PGRMC2: variants seen among roughly 807,000 people sequenced by gnomAD.
The protein encoded by PGRMC2 is progesterone receptor membrane component 2, also known as membrane-associated progesterone receptor component 2.
Under a neutral mutation model 19.3 loss-of-function variants are expected in PGRMC2, and 9 were observed. That is an observed-to-expected ratio of 0.47 (90% CI 0.28 to 0.81). The LOEUF is 0.81. Among genes scored for constraint, PGRMC2 ranks in the 40% least tolerant of loss-of-function variants. The probability of loss-of-function intolerance (pLI) is 0.11; values close to 1 mark genes in which losing one functional copy is unlikely to be tolerated. For missense variants in PGRMC2, 289 were observed against 297.3 expected (o/e 0.97, Z 0.21); for synonymous variants, 157 against 124.6 (o/e 1.26, Z -1.73).
chr4:128,271,809 G>A (rs1326489659), intron 2 of PGRMC2, among the ~76,000 whole-genome samples: 2 of 152,166 alleles, frequency 1.3e-5, no homozygotes, highest in African/African-American at 4.8e-5. Context: ...CATCACACAA[G>A]TGGTAAAAAC....
intron 1 of PGRMC2, among the ~76,000 whole-genome samples, chr4:128,279,130 C>G (rs966900962): frequency 1.3e-5 from 2 of 152,036 alleles, no homozygotes; most frequent in Admixed American, 6.6e-5. Context: ...ATCGCTTGAA[C>G]CCAGCAGGCA....
At chr4:128,272,040 T>A (rs530295322) in intron 2 of PGRMC2, among the ~76,000 whole-genome samples, 26 of 152,370 alleles carry the variant, frequency 1.7e-4, no homozygotes, top group South Asian at 6.2e-4. Flanking sequence ...GTCATTTTTT[T>A]AAATATTGAT....
Position 128,287,554 on chromosome 4 carries a change from A to AACCCCCCCCCCCCCC in PGRMC2, c.236_237insGGGGGGGGGGGGGGT (p.Gly79_Leu80insGlyGlyGlyGlyVal). The AACCCCCCCCCCCCCC allele has an allele frequency of 2.2e-6, 2 of 924,836 alleles. No homozygotes were observed. Among genetic ancestry groups the AACCCCCCCCCCCCCC allele is most frequent in the Non-Finnish European group, 3.0e-6 (2 of 672,994 alleles). The allele number at this position is 924,836 out of a possible 1,614,324, so 57.3% of individuals were successfully genotyped here. On this transcript the variant is annotated inframe_insertion, in exon 1 of 3. Transcript: ENST00000296425. ...CGCCCGCCCCGGCCCCGGCCCCCAG[A>AACCCCCCCCCCCCCC]CCCCGCCGCCCCCAGCGCACCCACA...
At chr4:128,279,402 C>T (rs373943194) in intron 1 of PGRMC2, among the ~76,000 whole-genome samples, 7 of 152,266 alleles carry the variant, frequency 4.6e-5, no homozygotes, top group African/African-American at 1.4e-4. Context: ...CTTAATACCA[C>T]GTTTTTGGCA....
intron 1 of PGRMC2, 175 bp from the exon 2 acceptor site, chr4:128,272,692 G>T (rs1760752139): frequency 2.5e-6 from 1 of 394,098 alleles, no homozygotes; most frequent in African/African-American, 2.2e-5. Context: ...AATAAGAAAA[G>T]AAATTTGTTG....
chr4:128,276,196 A>G (rs1760809294), intron 1 of PGRMC2, among the ~76,000 whole-genome samples: 1 of 152,252 alleles, frequency 6.6e-6, no homozygotes, highest in South Asian at 2.1e-4. Flanking sequence ...ATCCCCTTAC[A>G]TAAAAAACCT....
chr4:128,276,183 G>A (rs1185135885), intron 1 of PGRMC2, among the ~76,000 whole-genome samples: 2 of 152,138 alleles, frequency 1.3e-5, no homozygotes, highest in African/African-American at 2.4e-5. Flanking sequence ...TTCCCATTCC[G>A]TTATCCCCTT....
chr4:128,287,383 G>A lies in PGRMC2; in HGVS notation c.408C>T (p.Phe136=), dbSNP rs758044406. The change falls in exon 1 of 3, where the codon TTC becomes TTT. Residue 136 remains phenylalanine, a synonymous_variant. Transcript: ENST00000296425. ...KVFDVTKGSK[F]YGPAGPYGIF... ...CTTCCAACTCCTCACCCGGGCCGTA[G>A]AACTTGCTGCCTTTGGTCACGTCGA... is the stretch of plus-strand genomic sequence containing the variant. The A allele has an allele frequency of 3.1e-6, 5 of 1,601,240 alleles. No homozygotes were observed. The highest frequency in any genetic ancestry group is 2.3e-5 in the East Asian group (1 of 44,378).
chr4:128,275,099 C>A (rs1760788078), intron 1 of PGRMC2, among the ~76,000 whole-genome samples: 1 of 152,096 alleles, frequency 6.6e-6, no homozygotes, highest in Non-Finnish European at 1.5e-5. Context: ...TTACTACTTA[C>A]AAAATTTCAA....
At chr4:128,278,993 G>A (rs146994450) in intron 1 of PGRMC2, among the ~76,000 whole-genome samples, 1,637 of 152,288 alleles carry the variant, frequency 0.011, 8 homozygotes, top group Non-Finnish European at 0.015. Context: ...CGGATTGCCC[G>A]AGGTCAGGAG....
rs1224209994 is a variant in PGRMC2, at chr4:128,269,564, T to C, written c.*1752A>G. On this transcript the variant is annotated 3_prime_UTR_variant, in exon 3 of 3. Coordinates refer to ENST00000296425, the MANE Select transcript of PGRMC2 (RefSeq NM_006320.6). ...CAAAACACTCCAAGACTGAATAGAA[T>C]GTAGTATTTTACATACTTTAGCTTA... is the stretch of plus-strand genomic sequence containing the variant. 1 of 152,200 alleles carries C rather than the reference T, an allele frequency of 6.6e-6. No homozygotes were observed. Among genetic ancestry groups the C allele is most frequent in the South Asian group, 2.1e-4 (1 of 4,832 alleles). 9.4% of individuals were successfully genotyped at this position (152,200 alleles called of 1,614,324 possible).
intron 2 of PGRMC2, among the ~76,000 whole-genome samples, chr4:128,271,648 T>C (rs1380786960): frequency 1.3e-5 from 2 of 152,200 alleles, no homozygotes; most frequent in Non-Finnish European, 2.9e-5. Context: ...CAAGAGGGTG[T>C]TCTGTACCAG....
At chr4:128,286,968 T>C (rs1345267399) in intron 1 of PGRMC2, 1 of 377,504 alleles carries the variant, frequency 2.6e-6, no homozygotes, top group African/African-American at 2.1e-5. Context: ...GAAATCTCCC[T>C]TCCCTGGTGC....
Position 128,286,495 on chromosome 4 carries a change from T to TG in PGRMC2, c.418+877dup, listed in dbSNP as rs543113681. On this transcript the variant is annotated intron_variant, in intron 1 of 2. Transcript: ENST00000296425. ...ATCTTTAACTTGCATAACTGGCACA[T>TG]GGGGGTATAAATCTACAACTCTTCT... is the stretch of plus-strand genomic sequence containing the variant. Among the ~76,000 whole-genome samples, 27 of 152,232 alleles carry TG rather than the reference T, an allele frequency of 1.8e-4. No homozygotes were observed. In the South Asian group the frequency reaches 5.6e-3, roughly 32 times the overall value.
intron 1 of PGRMC2, among the ~76,000 whole-genome samples, chr4:128,283,172 T>C (rs898136010): frequency 6.6e-6 from 1 of 152,224 alleles, no homozygotes; most frequent in African/African-American, 2.4e-5. Context: ...TACTAGCTGT[T>C]TGAGTCTTCA....
rs1188485776 is a variant in PGRMC2, at chr4:128,285,399, G to A, written c.418+1974C>T. ...CCGCCTCGGCCTCCCAAAGCACTGG[G>A]ATTACAGGCATGAACCACCACGCCT... On this transcript the variant is annotated intron_variant, in intron 1 of 2. Transcript: ENST00000296425. Among the ~76,000 whole-genome samples the A allele has an allele frequency of 2.6e-5, 4 of 152,186 alleles. No homozygotes were observed. In the East Asian group the frequency reaches 7.7e-4, roughly 29 times the overall value.
Position 128,269,272 on chromosome 4 carries a change from T to C in PGRMC2, c.*2044A>G, listed in dbSNP as rs1760689085. The C allele has an allele frequency of 1.3e-5, 2 of 152,174 alleles. No individual in the cohort carries two copies. Among genetic ancestry groups the C allele is most frequent in the African/African-American group, 4.8e-5 (2 of 41,432 alleles). 9.4% of individuals were successfully genotyped at this position (152,174 alleles called of 1,614,324 possible). The stretch of plus-strand genomic sequence containing the variant: ...GAATTATCTACAGAACACTGTTTAT[T>C]TCAAGTCCAAAACACAAATTACTCA... On this transcript the variant is annotated 3_prime_UTR_variant, in exon 3 of 3. Transcript: ENST00000296425.
At chr4:128,279,213 A>G (rs557697440) in intron 1 of PGRMC2, among the ~76,000 whole-genome samples, 18 of 152,194 alleles carry the variant, frequency 1.2e-4, no homozygotes, top group Non-Finnish European at 2.6e-4. Flanking sequence ...TGTCTCAAAA[A>G]AAAAAAAAGA....
chr4:128,273,547 T>C (rs1760763720), intron 1 of PGRMC2, among the ~76,000 whole-genome samples: 1 of 152,160 alleles, frequency 6.6e-6, no homozygotes, highest in African/African-American at 2.4e-5. Context: ...AAAGACACTA[T>C]TATGAACAAC....
Sources: allele counts gnomAD v4.1 joint callset (sites outside exome capture counted in the v4.1 genomes callset), GRCh38; gene constraint gnomAD v4.1.1; transcripts MANE v1.5; gene names NCBI Gene and HGNC (gene_info 2026-07-23, HGNC 2026-07-21).